C5orf47: variants seen among roughly 807,000 people sequenced by gnomAD.
C5orf47 encodes the protein chromosome 5 open reading frame 47.
Under a neutral mutation model 20.6 loss-of-function variants are expected in C5orf47, and 20 were observed. That is an observed-to-expected ratio of 0.97 (90% CI 0.68 to 1.41). C5orf47 has a LOEUF of 1.41. Among genes scored for constraint, C5orf47 ranks in the 40% most tolerant of loss-of-function variants. C5orf47 has a pLI of 0.00. For missense variants in C5orf47, 262 were observed against 238.4 expected, an observed-to-expected ratio of 1.10 and a Z score of -0.65; for synonymous variants, 106 against 97.3, an observed-to-expected ratio of 1.09 and a Z score of -0.53.
chr5:174,009,204 C>CG (rs1026177173), downstream of C5orf47, among the ~76,000 whole-genome samples: 1 of 151,970 alleles, frequency 6.6e-6, no homozygotes, highest in African/African-American at 2.4e-5. Flanking sequence ...GAGCAAGACT[C>CG]TATCTTAAAA....
downstream of C5orf47, among the ~76,000 whole-genome samples, chr5:174,007,515 T>C (rs1297075984): frequency 6.6e-6 from 1 of 152,056 alleles, no homozygotes; most frequent in African/African-American, 2.4e-5. Context: ...GGGCAGACAG[T>C]ATTTACTTAA....
intron 1 of C5orf47, among the ~76,000 whole-genome samples, chr5:173,994,367 G>A (rs1410900163): frequency 6.6e-6 from 1 of 152,158 alleles, no homozygotes; most frequent in Non-Finnish European, 1.5e-5. Context: ...GTGCAAGTTA[G>A]GCTTTGGGAA....
downstream of C5orf47, among the ~76,000 whole-genome samples, chr5:174,009,438 G>A (rs1302571939): frequency 6.9e-6 from 1 of 145,790 alleles, no homozygotes; most frequent in Non-Finnish European, 1.6e-5. Flanking sequence ...ACATTATTGA[G>A]ACTTTTCATC....
chr5:173,995,331 G>T (rs1365518400), intron 1 of C5orf47, among the ~76,000 whole-genome samples: 1 of 152,224 alleles, frequency 6.6e-6, no homozygotes, highest in African/African-American at 2.4e-5. Flanking sequence ...TGTTGTAAGA[G>T]TGAGCTGAGA....
rs749262873 is a variant in C5orf47 at position 173,989,599 on chromosome 5, G to A, written c.325+11G>A. On this transcript the variant is annotated intron_variant, in intron 1 of 4. Coordinates refer to ENST00000340147, the MANE Select transcript of C5orf47 (RefSeq NM_001144954.2). ...AGTCGGCGCGTGCAGGTGGTGCAGC[G>A]GGGCAGGGCGGGACCGGGCGCGGCG... 3 of 1,425,324 alleles carry A rather than the reference G, an allele frequency of 2.1e-6. No homozygotes were observed. Among genetic ancestry groups the A allele is most frequent in the Admixed American group, 2.8e-5 (1 of 35,622 alleles). The allele number at this position is 1,425,324 out of a possible 1,614,324, so 88.3% of individuals were successfully genotyped here.
intron 1 of C5orf47, 59 bp from the exon 2 acceptor site, chr5:173,998,094 A>G (rs1759130795): frequency 2.0e-6 from 2 of 1,009,750 alleles, no homozygotes; most frequent in Non-Finnish European, 1.5e-6. Flanking sequence ...TATGGTCTCT[A>G]TTTTCAGATA....
At position 173,989,506 on chromosome 5, in the gene C5orf47, TGGTGTGGAG is replaced by T. The variant is rs1470013535; in HGVS notation, c.245_253del (p.Gly82_Glu84del). The T allele has an allele frequency of 1.4e-5, 21 of 1,542,082 alleles. No individual in the cohort carries two copies. Among genetic ancestry groups the T allele is most frequent in the Non-Finnish European group, 1.5e-5 (17 of 1,143,228 alleles). On this transcript the variant is annotated inframe_deletion, in exon 1 of 5. Coordinates refer to ENST00000340147, the MANE Select transcript of C5orf47 (RefSeq NM_001144954.2). The stretch of plus-strand genomic sequence containing the variant: ...CCCAGCTCAGGGTCCCCACGACCCC[TGGTGTGGAG>T]GCTGCGGCCTCTGCCTCCTCCCAGC...
chr5:173,992,688 T>G (rs904790908), intron 1 of C5orf47, among the ~76,000 whole-genome samples: 1 of 152,232 alleles, frequency 6.6e-6, no homozygotes, highest in Non-Finnish European at 1.5e-5. Context: ...GAAGAAATTC[T>G]GTAATTTTTA....
chr5:173,991,633 T>C (rs988843216), intron 1 of C5orf47, among the ~76,000 whole-genome samples: 1 of 152,214 alleles, frequency 6.6e-6, no homozygotes, highest in African/African-American at 2.4e-5. Flanking sequence ...TTTCCAATTA[T>C]TGTACCAACC....
At chr5:173,998,322 A>C in intron 2 of C5orf47, 84 bp downstream of exon 2, 2 of 679,732 alleles carry the variant, frequency 2.9e-6, no homozygotes, top group South Asian at 2.0e-5. Flanking sequence ...TATTCAAGAC[A>C]GTGAAAATAG....
At position 173,989,503 on chromosome 5, in the gene C5orf47, C is replaced by A; in HGVS notation, c.240C>A (p.Thr80=). 6.5e-7 allele frequency: 1 copy of A among 1,544,504 alleles called. No individual in the cohort carries two copies. The highest frequency in any genetic ancestry group is 8.7e-7 in the Non-Finnish European group (1 of 1,144,366). The part of the protein sequence containing the change: ...PLGSQLRVPT[T]PGVEAAASAS... The stretch of plus-strand genomic sequence containing the variant: ...GTTCCCAGCTCAGGGTCCCCACGAC[C>A]CCTGGTGTGGAGGCTGCGGCCTCTG... The change falls in exon 1 of 5, where the codon ACC becomes ACA. Residue 80 remains threonine (T), a synonymous_variant. Transcript: ENST00000340147.
At chr5:174,007,961 C>G (rs1267915959), downstream of C5orf47, among the ~76,000 whole-genome samples, 2 of 152,164 alleles carry the variant, frequency 1.3e-5, no homozygotes, top group African/African-American at 2.4e-5. Context: ...TTATGCTGAT[C>G]AGCAGAACAA....
chr5:173,989,365 C>A lies in C5orf47; in HGVS notation c.102C>A (p.Gly34=). Residue 34 remains glycine, a synonymous_variant, in exon 1 of 5, where the codon GGC becomes GGA. Coordinates refer to ENST00000340147, the MANE Select transcript of C5orf47 (RefSeq NM_001144954.2). ...HQCSGVLQLG[G]RGAQGLWGQG... Reference sequence around the variant, plus strand: ...GCAGTGGCGTCCTGCAACTGGGCGGCCGTGGAGCTCAAGGCCTTTGGGGTC... The same window carrying A: ...GCAGTGGCGTCCTGCAACTGGGCGGACGTGGAGCTCAAGGCCTTTGGGGTC... The A allele has an allele frequency of 6.6e-7, 1 of 1,518,932 alleles. No individual in the cohort carries two copies. The highest frequency in any genetic ancestry group is 8.8e-7 in the Non-Finnish European group (1 of 1,130,478). The allele number at this position is 1,518,932 out of a possible 1,614,324, so 94.1% of individuals were successfully genotyped here.
intron 1 of C5orf47, among the ~76,000 whole-genome samples, chr5:173,991,501 GTGTT>G (rs1478077602): frequency 1.3e-5 from 2 of 148,964 alleles, no homozygotes; most frequent in East Asian, 2.0e-4. Flanking sequence ...TATTTTTTCA[GTGTT>G]TGTTTTTTTT....
At chr5:173,997,516 C>T (rs1759119486) in intron 1 of C5orf47, among the ~76,000 whole-genome samples, 1 of 152,138 alleles carries the variant, frequency 6.6e-6, no homozygotes, top group Admixed American at 6.5e-5. Context: ...GACTAAGACA[C>T]ACATGGCCAT....
chr5:174,001,933 C>T (rs1046565631), intron 4 of C5orf47, among the ~76,000 whole-genome samples: 1 of 151,202 alleles, frequency 6.6e-6, no homozygotes, highest in African/African-American at 2.4e-5. Flanking sequence ...AATCTACATA[C>T]AGTTATCTTT....
rs1759137250 is a variant in C5orf47 at position 173,998,347 on chromosome 5, T to C, written c.411+109T>C. ...AGTGAAAATAGTACCATCTTTTGAA[T>C]AATTTAATTTTCTGAAATGAGAAAT... On this transcript the variant is annotated intron_variant, in intron 2 of 4. Transcript: ENST00000340147. The C allele has an allele frequency of 1.0e-5, 6 of 594,088 alleles. No individual in the cohort carries two copies. In the South Asian group the frequency reaches 1.5e-4, roughly 15 times the overall value. The allele number at this position is 594,088 out of a possible 1,614,324, so 36.8% of individuals were successfully genotyped here.
intron 4 of C5orf47, 46 bp downstream of exon 4, chr5:174,001,277 C>A: frequency 9.4e-7 from 1 of 1,065,614 alleles, no homozygotes; most frequent in Non-Finnish European, 1.4e-6. Flanking sequence ...GATTTTATTC[C>A]CTTCCCTTCT....
At chr5:173,995,401 A>G (rs1267880462) in intron 1 of C5orf47, among the ~76,000 whole-genome samples, 2 of 152,246 alleles carry the variant, frequency 1.3e-5, no homozygotes, top group African/African-American at 2.4e-5. Context: ...ATCAGGGAAC[A>G]TGAATAGAGA....
Sources: gnomAD v4.1 joint callset for allele counts (sites outside exome capture counted in the v4.1 genomes callset) on GRCh38, gnomAD v4.1.1 for gene constraint, MANE v1.5 for transcripts, NCBI Gene and HGNC (gene_info 2026-07-23, HGNC 2026-07-21) for gene names.